Variants in MAP3K20 observed in about 807,000 individuals in gnomAD.
MAP3K20 encodes HCCS-4.
Under a neutral mutation model 85.7 loss-of-function variants are expected in MAP3K20, and 40 were observed. The observed-to-expected ratio is 0.47, with a 90% CI of 0.36 to 0.61. The LOEUF is 0.61. Ranked by LOEUF, MAP3K20 falls within the 20% of genes least tolerant of loss-of-function variation. MAP3K20 has a pLI of 0.00. For missense variants in MAP3K20, 817 were observed against 961.7 expected (o/e 0.85, Z 1.99); for synonymous variants, 325 against 327.7 (o/e 0.99, Z 0.09).
chr2:173,232,080 T>A, intron 12 of MAP3K20, 112 bp from the exon 13 acceptor site: 1 of 1,335,114 alleles, frequency 7.5e-7, no homozygotes, highest in Non-Finnish European at 1.1e-6. Flanking sequence ...CCTTTGTGGT[T>A]GAGCCAGGAA....
rs746923086 is a variant in MAP3K20 at position 173,258,685 on chromosome 2, GTTTT to G, written c.1360-12_1360-9del. ...TCACTTTCTCAAATTCTGTAATTTT[GTTTT>G]TAATTCCAGGATTGTAAGTGGAAAA... On this transcript the variant is annotated splice_polypyrimidine_tract_variant and intron_variant, in intron 16 of 19. Transcript: ENST00000375213. The G allele has an allele frequency of 2.2e-6, 3 of 1,343,986 alleles. No individual in the cohort carries two copies. Among genetic ancestry groups the G allele is most frequent in the African/African-American group, 1.5e-5 (1 of 67,608 alleles). 83.3% of individuals were successfully genotyped at this position (1,343,986 alleles called of 1,614,324 possible).
chr2:173,191,053 G>T lies in MAP3K20; in HGVS notation c.458G>T (p.Gly153Val). Residue 153 changes from glycine to valine, a missense_variant, in exon 7 of 20, where the codon GGT (glycine) becomes GTT (valine). Physicochemically the swap from Gly to Val is moderately radical, Grantham distance 109. Around this residue, in one of 4 missense-constraint regions of MAP3K20, gnomAD observed 200 missense variants for 302.7 expected, o/e 0.66. Transcript: ENST00000375213. Reference protein sequence around the residue: ...ADGVLKICDFGASRFHNHTTH... With the variant: ...ADGVLKICDFVASRFHNHTTH... Reference sequence around the variant, plus strand: ...CTGTTTTCTCAGATCTGTGACTTTGGTGCCTCTCGGTTCCATAACCATACA... The same window carrying T: ...CTGTTTTCTCAGATCTGTGACTTTGTTGCCTCTCGGTTCCATAACCATACA... 1 of 1,613,750 alleles carries T rather than the reference G, an allele frequency of 6.2e-7. No individual in the cohort carries two copies. Among genetic ancestry groups the T allele is most frequent in the Non-Finnish European group, 8.5e-7 (1 of 1,179,844 alleles).
intron 10 of MAP3K20, 27 bp downstream of exon 10, chr2:173,209,862 GCGTCT>G (rs756508833): frequency 1.9e-6 from 3 of 1,587,668 alleles, no homozygotes; most frequent in Non-Finnish European, 2.6e-6. Flanking sequence ...GCAGGCCACA[GCGTCT>G]GGCTTTCAAA....
intron 2 of MAP3K20, among the ~76,000 whole-genome samples, chr2:173,144,392 G>A (rs1046603099): frequency 1.4e-5 from 2 of 145,980 alleles, no homozygotes; most frequent in African/African-American, 5.1e-5. Flanking sequence ...GAACCTGGGA[G>A]GCGGAGCTTG....
chr2:173,100,880 C>G (rs138335567), intron 2 of MAP3K20, among the ~76,000 whole-genome samples: 1 of 152,050 alleles, frequency 6.6e-6, no homozygotes, highest in Non-Finnish European at 1.5e-5. Context: ...AGTCATCATC[C>G]GGAAGTATAT....
At chr2:173,225,788 A>T (rs944414821) in intron 11 of MAP3K20, 114 of 985,044 alleles carry the variant, frequency 1.2e-4, no homozygotes, top group Non-Finnish European at 1.3e-4. Flanking sequence ...TCGTGGCTTT[A>T]TCTTAAATCA....
At chr2:173,103,600 GA>G (rs1687697672) in intron 2 of MAP3K20, among the ~76,000 whole-genome samples, 2 of 152,094 alleles carry the variant, frequency 1.3e-5, no homozygotes, top group Admixed American at 6.6e-5. Context: ...TGAGGAAATA[GA>G]AAAAAATTAA....
In MAP3K20 at chr2:173,257,403, A is replaced by G. The variant is rs530944213; in HGVS notation, c.1360-1296A>G. Reference sequence around the variant, plus strand: ...AGTTTTGTCTGTTCTAGAATATCACATAAATGGAATCATTAGGTTGTTCTT... The same window carrying G: ...AGTTTTGTCTGTTCTAGAATATCACGTAAATGGAATCATTAGGTTGTTCTT... On this transcript the variant is annotated intron_variant, in intron 16 of 19. Transcript: ENST00000375213. Among the ~76,000 whole-genome samples, 9 of 152,310 alleles carry G rather than the reference A, an allele frequency of 5.9e-5. No individual in the cohort carries two copies. The East Asian group carries it at 1.7e-3, about 29-fold the overall frequency.
intron 1 of MAP3K20, among the ~76,000 whole-genome samples, chr2:173,090,061 A>G (rs1265749596): frequency 1.3e-5 from 2 of 152,224 alleles, no homozygotes; most frequent in Non-Finnish European, 2.9e-5. Context: ...TAAACCACAT[A>G]AAATAGTACA....
rs192682950 is a variant in MAP3K20, at chr2:173,093,241, A to T, written c.159+2051A>T. Among the ~76,000 whole-genome samples, 240 of 152,326 alleles carry T rather than the reference A, an allele frequency of 1.6e-3. 1 individual carries two copies. The highest frequency in any genetic ancestry group is 3.0e-3 in the Non-Finnish European group (206 of 68,026). ...AGGTGTTTTCTAAGTGATAAGATAA[A>T]GGTAATAAGCCCTGGATTTTTTCCA... is the stretch of plus-strand genomic sequence containing the variant. On this transcript the variant is annotated intron_variant, in intron 2 of 19. Transcript: ENST00000375213.
intron 5 of MAP3K20, 51 bp downstream of exon 5, chr2:173,187,674 C>A: frequency 2.1e-6 from 3 of 1,452,470 alleles, no homozygotes; most frequent in South Asian, 1.2e-5. Flanking sequence ...ATTACATACA[C>A]TTGCATGTAG....
intron 2 of MAP3K20, among the ~76,000 whole-genome samples, chr2:173,143,726 T>G (rs1478082755): frequency 1.3e-5 from 2 of 152,118 alleles, no homozygotes; most frequent in Non-Finnish European, 2.9e-5. Context: ...GAGGAAGAAG[T>G]AAAACTGTCT....
chr2:173,234,926 A>T (rs1291692381), intron 14 of MAP3K20, among the ~76,000 whole-genome samples: 1 of 152,198 alleles, frequency 6.6e-6, no homozygotes, highest in Non-Finnish European at 1.5e-5. Context: ...GTTTTGAAAA[A>T]ACAGGAGGGT....
At chr2:173,158,049 T>TA (rs535091808) in intron 2 of MAP3K20, among the ~76,000 whole-genome samples, 313 of 152,342 alleles carry the variant, frequency 2.1e-3, no homozygotes, top group African/African-American at 7.2e-3. Flanking sequence ...CTACTTGTAC[T>TA]AAAAACCTGG....
At chr2:173,197,522 A>AT (rs1386744659) in intron 7 of MAP3K20, among the ~76,000 whole-genome samples, 1 of 152,208 alleles carries the variant, frequency 6.6e-6, no homozygotes. Flanking sequence ...AAATATTACA[A>AT]TTTTGCAAGT....
At chr2:173,185,568 T>TA (rs1445690034) in intron 4 of MAP3K20, among the ~76,000 whole-genome samples, 1 of 152,240 alleles carries the variant, frequency 6.6e-6, no homozygotes, top group African/African-American at 2.4e-5. Flanking sequence ...TTCAGCTATG[T>TA]ACCTTTCAGT....
intron 2 of MAP3K20, among the ~76,000 whole-genome samples, chr2:173,108,741 A>G (rs1003539382): frequency 1.1e-4 from 17 of 152,358 alleles, no homozygotes; most frequent in Non-Finnish European, 1.9e-4. Flanking sequence ...CCTTCGACCT[A>G]TCATCCTCAC....
In MAP3K20 at chr2:173,223,754, A is replaced by G. The variant is rs1251206602; in HGVS notation, c.988-5935A>G. On this transcript the variant is annotated intron_variant, in intron 11 of 19. Transcript: ENST00000375213. ...ACCCATGCTACTAGTTTCTCTGTCTATTCACACATATGTACAAATACATGA... is the reference window on the plus strand; with the variant it reads ...ACCCATGCTACTAGTTTCTCTGTCTGTTCACACATATGTACAAATACATGA... The G allele has an allele frequency of 1.2e-5, 12 of 985,458 alleles. No individual in the cohort carries two copies. In the East Asian group the frequency reaches 1.0e-3, roughly 84 times the overall value. 61.0% of individuals were successfully genotyped at this position (985,458 alleles called of 1,614,324 possible).
intron 2 of MAP3K20, among the ~76,000 whole-genome samples, chr2:173,100,410 C>T (rs1687605202): frequency 6.6e-6 from 1 of 152,244 alleles, no homozygotes; most frequent in Non-Finnish European, 1.5e-5. Flanking sequence ...TTGCCAGCCT[C>T]ACAACACCTG....
Sources: allele counts gnomAD v4.1 joint callset (sites outside exome capture counted in the v4.1 genomes callset), GRCh38; gene constraint gnomAD v4.1.1; regional missense constraint gnomAD v4.1.1; transcripts MANE v1.5; gene names NCBI Gene and HGNC (gene_info 2026-07-23, HGNC 2026-07-21).